The following PRMT8 variants were observed in gnomAD, a reference collection of about 807,000 sequenced individuals.
PRMT8 encodes protein arginine methyltransferase 8.
A neutral mutation model predicts 47.1 loss-of-function variants in PRMT8; 7 were observed. That is an observed-to-expected ratio of 0.15 (90% confidence interval 0.08 to 0.28). The LOEUF is 0.28. PRMT8 is among the 10% of genes least tolerant of loss of function. The pLI, the probability that PRMT8 is intolerant of heterozygous loss-of-function variation, is 1.00. For synonymous variants in PRMT8, 188 were observed against 186.5 expected (o/e 1.01, Z -0.07); for missense variants, 237 against 505.4 (o/e 0.47, Z 5.09).
rs2137127129 is a variant in PRMT8, at chr12:3,508,899, G to A, written c.75+17199G>A. ...TGGTAATAAGTCACCAAAATCACAAGCCTGAACTCTGCTCTCTCCTTTCTC... is the reference window on the plus strand; with the variant it reads ...TGGTAATAAGTCACCAAAATCACAAACCTGAACTCTGCTCTCTCCTTTCTC... On this transcript the variant is annotated intron_variant, in intron 1 of 9. Transcript: ENST00000382622. This position sits in a 1 kb window ranked among gnomAD's most constrained non-coding sequence, Gnocchi z 4.9. 6.6e-6 allele frequency among the ~76,000 whole-genome samples: 1 copy of A among 152,270 alleles called. No individual in the cohort carries two copies. Among genetic ancestry groups the A allele is most frequent in the South Asian group, 2.1e-4 (1 of 4,832 alleles).
intron 1 of PRMT8, among the ~76,000 whole-genome samples, chr12:3,477,770 A>G (rs1865229632): frequency 6.6e-6 from 1 of 152,166 alleles, no homozygotes; most frequent in East Asian, 1.9e-4. Flanking sequence ...GGCTGTAACC[A>G]TTAAGACTGA....
At chr12:3,516,489 A>G (rs1865793994) in intron 1 of PRMT8, among the ~76,000 whole-genome samples, 1 of 152,266 alleles carries the variant, frequency 6.6e-6, no homozygotes, top group Non-Finnish European at 1.5e-5. Context: ...TGGGGGAAAC[A>G]GACAATAAGC....
At chr12:3,556,943 C>G (rs1481646098) in intron 4 of PRMT8, among the ~76,000 whole-genome samples, 1 of 152,070 alleles carries the variant, frequency 6.6e-6, no homozygotes, top group Non-Finnish European at 1.5e-5. Flanking sequence ...GGGGCAGGGA[C>G]AGTTCAGCCA....
upstream of PRMT8, among the ~76,000 whole-genome samples, chr12:3,490,872 C>T (rs1379690970): frequency 1.6e-5 from 2 of 128,732 alleles, no homozygotes; most frequent in Non-Finnish European, 3.3e-5. Flanking sequence ...TGGGGTGGGC[C>T]GGGGTGGGGA....
In PRMT8 at chr12:3,458,093, G is replaced by A. The variant is rs564450577; in HGVS notation, c.48+76651G>A. Among the ~76,000 whole-genome samples the A allele has an allele frequency of 2.0e-4, 31 of 151,990 alleles. 1 individual carries two copies. Among genetic ancestry groups the A allele is most frequent in the Admixed American group, 3.9e-4 (6 of 15,288 alleles). ...CTTGACCTCGTGATCCGCCCGCCTC[G>A]GCCTCCCAAAGCGCTGGGATTACAG... On this transcript the variant is annotated intron_variant, in intron 1 of 9. Coordinates refer to the PRMT8 transcript ENST00000452611.
At chr12:3,442,607 G>A (rs1181818530) in intron 1 of PRMT8, among the ~76,000 whole-genome samples, 1 of 152,310 alleles carries the variant, frequency 6.6e-6, no homozygotes, top group East Asian at 1.9e-4. Flanking sequence ...ATGAGGCTAG[G>A]GAGCCCAGGC....
intron 1 of PRMT8, among the ~76,000 whole-genome samples, chr12:3,494,865 C>T (rs1865481842): frequency 6.6e-6 from 1 of 152,150 alleles, no homozygotes; most frequent in South Asian, 2.1e-4. Flanking sequence ...AGCTGATTCT[C>T]CTCATGGAAT....
At chr12:3,445,841 GGAGTA>G (rs149003314) in intron 1 of PRMT8, among the ~76,000 whole-genome samples, 5,179 of 152,282 alleles carry the variant, frequency 0.034, 122 homozygotes, top group Middle Eastern at 0.075. Context: ...TTGCAATGGT[GGAGTA>G]AACACCAAGG....
In PRMT8 at chr12:3,540,613, G is replaced by GACCCC; in HGVS notation, c.83_84insACCCC (p.Ser28ArgfsTer40). On this transcript the variant is annotated frameshift_variant, in exon 2 of 10. Transcript: ENST00000382622. LOFTEE classifies it high-confidence loss of function. ...CCCTTCTCTTCCCCTCAGGTGAACA[G>GACCCC]CCCCCCCTCCCAGCCCCCCCAGCCC... 1 of 1,130,522 alleles carries GACCCC rather than the reference G, an allele frequency of 8.8e-7. No homozygotes were observed. The highest frequency in any genetic ancestry group is 1.3e-6 in the Non-Finnish European group (1 of 752,492). 70.0% of individuals were successfully genotyped at this position (1,130,522 alleles called of 1,614,324 possible).
At chr12:3,526,834 T>C (rs943394818) in intron 1 of PRMT8, among the ~76,000 whole-genome samples, 1 of 152,212 alleles carries the variant, frequency 6.6e-6, no homozygotes, top group African/African-American at 2.4e-5. Flanking sequence ...ATTAACATGG[T>C]ATATATCTTT....
Position 3,557,611 on chromosome 12 carries a change from A to G in PRMT8, c.481+3897A>G, listed in dbSNP as rs756927441. On this transcript the variant is annotated intron_variant, in intron 4 of 9. Transcript: ENST00000382622. The surrounding 1 kb of genome is among the most constrained non-coding windows in gnomAD (Gnocchi z 4.7). ...CCCTATCTGCTTACTAAAGACAGAT[A>G]AAGAAAACTGGTCGATTCTTTCTCT... Among the ~76,000 whole-genome samples, 8 of 152,180 alleles carry G rather than the reference A, an allele frequency of 5.3e-5. No homozygotes were observed. The highest frequency in any genetic ancestry group is 7.4e-5 in the Non-Finnish European group (5 of 68,026).
intron 1 of PRMT8, among the ~76,000 whole-genome samples, chr12:3,421,683 C>T (rs1164983445): frequency 1.3e-5 from 2 of 152,216 alleles, no homozygotes; most frequent in Non-Finnish European, 2.9e-5. Flanking sequence ...CCCTGGCTCC[C>T]CTCCCGGTTG....
At chr12:3,533,475 CA>C in intron 1 of PRMT8, among the ~76,000 whole-genome samples, 1 of 152,330 alleles carries the variant, frequency 6.6e-6, no homozygotes, top group East Asian at 1.9e-4. Context: ...AGCTCATCAG[CA>C]ATCGTTAGTG....
At chr12:3,465,700 T>G (rs1015171043) in intron 1 of PRMT8, among the ~76,000 whole-genome samples, 1 of 152,154 alleles carries the variant, frequency 6.6e-6, no homozygotes, top group Non-Finnish European at 1.5e-5. Context: ...TAGAATCTGA[T>G]TTTTGAAAAC....
chr12:3,450,969 C>T (rs999892879), intron 1 of PRMT8, among the ~76,000 whole-genome samples: 1 of 127,206 alleles, frequency 7.9e-6, no homozygotes, highest in Non-Finnish European at 1.6e-5. Flanking sequence ...AGTGCAATGT[C>T]AACAAGGGAC....
chr12:3,559,350 C>T (rs1866590343), intron 4 of PRMT8, among the ~76,000 whole-genome samples: 1 of 152,112 alleles, frequency 6.6e-6, no homozygotes, highest in South Asian at 2.1e-4. Context: ...AATTAGTGGA[C>T]CACAGCATTT....
rs11062711 is a variant in PRMT8, at chr12:3,540,967, C to G, written c.261+176C>G. On this transcript the variant is annotated intron_variant, in intron 2 of 9. Transcript: ENST00000382622. ...GGGCCCCTCTGGGAGGGGGCCAGGC[C>G]AGGCCTGGAGCAGGGGAGCAGGTGA... Among the ~76,000 whole-genome samples the G allele has an allele frequency of 9.0e-3, 1,374 of 152,276 alleles. 14 individuals carry two copies. Among genetic ancestry groups the G allele is most frequent in the Non-Finnish European group, 0.015 (1,030 of 68,010 alleles).
In PRMT8 at chr12:3,493,479, C is replaced by T. The variant is rs1479166854; in HGVS notation, c.75+1779C>T. 6.6e-6 allele frequency among the ~76,000 whole-genome samples: 1 copy of T among 152,210 alleles called. No homozygotes were observed. The highest frequency in any genetic ancestry group is 1.9e-4 in the East Asian group (1 of 5,188). On this transcript the variant is annotated intron_variant, in intron 1 of 9. Coordinates refer to ENST00000382622, the MANE Select transcript of PRMT8 (RefSeq NM_019854.5). This position sits in a 1 kb window ranked among gnomAD's most constrained non-coding sequence, Gnocchi z 8.2. ...GCGCTTCCTCCCTGCATTTCCACCTCACCCCACCCCCGGCTCATTTTTCTA... is the reference window on the plus strand; with the variant it reads ...GCGCTTCCTCCCTGCATTTCCACCTTACCCCACCCCCGGCTCATTTTTCTA...
chr12:3,567,681 C>G (rs1194787185), intron 4 of PRMT8, among the ~76,000 whole-genome samples: 2 of 152,184 alleles, frequency 1.3e-5, no homozygotes, highest in Admixed American at 1.3e-4. Context: ...GTGCCAATCC[C>G]CCACACAGTT....
Sources: gnomAD v4.1 joint callset for allele counts (sites outside exome capture counted in the v4.1 genomes callset) on GRCh38, gnomAD v4.1.1 for gene constraint, Gnocchi (gnomAD v3.1) non-coding constraint, MANE v1.5 for transcripts, NCBI Gene and HGNC (gene_info 2026-07-23, HGNC 2026-07-21) for gene names.